The following CDH13 variants were observed in gnomAD, a reference collection of about 807,000 sequenced individuals.
CDH13 encodes cadherin 13.
CDH13 carries 24 observed loss-of-function variants against 63.8 expected under a neutral mutation model. The observed-to-expected ratio is 0.38, with a 90% CI of 0.27 to 0.53. The LOEUF is 0.53. Ranked by LOEUF, CDH13 falls within the 20% of genes least tolerant of loss-of-function variation. The pLI is 0.85. For synonymous variants in CDH13, 503 were observed against 355.3 expected, an observed-to-expected ratio of 1.42 and a Z score of -4.67; for missense variants, 1,049 against 903.1, an observed-to-expected ratio of 1.16 and a Z score of -2.07.
intron 2 of CDH13, among the ~76,000 whole-genome samples, chr16:82,996,433 C>T (rs1228534568): frequency 6.6e-6 from 1 of 152,146 alleles, no homozygotes; most frequent in South Asian, 2.1e-4. Flanking sequence ...AAAGCCAGCC[C>T]AGGACCCAGC....
chr16:83,042,681 G>C (rs941144286), intron 3 of CDH13, among the ~76,000 whole-genome samples: 3 of 152,214 alleles, frequency 2.0e-5, no homozygotes, highest in Admixed American at 2.0e-4. Flanking sequence ...GCTGGGGACT[G>C]CTGCTCTAAA....
At chr16:83,714,131 G>A (rs1255885616) in intron 10 of CDH13, among the ~76,000 whole-genome samples, 1 of 152,150 alleles carries the variant, frequency 6.6e-6, no homozygotes, top group South Asian at 2.1e-4. Flanking sequence ...CTTACAGGAA[G>A]AAGTGAAAAT....
At chr16:83,030,370 C>A (rs754192527) in intron 2 of CDH13, among the ~76,000 whole-genome samples, 1 of 152,056 alleles carries the variant, frequency 6.6e-6, no homozygotes, top group East Asian at 1.9e-4. Flanking sequence ...TTAAAAAGTA[C>A]CCTGTGGGCC....
At chr16:83,328,058 A>C (rs1392515337) in intron 5 of CDH13, among the ~76,000 whole-genome samples, 1 of 151,510 alleles carries the variant, frequency 6.6e-6, no homozygotes, top group Non-Finnish European at 1.5e-5. Flanking sequence ...GCGTGGACCC[A>C]GGAGGCGGAG....
chr16:83,354,631 G>C (rs897182949), intron 6 of CDH13, among the ~76,000 whole-genome samples: 2 of 152,178 alleles, frequency 1.3e-5, no homozygotes, highest in Non-Finnish European at 2.9e-5. Context: ...TTGAAGCTGA[G>C]CCCAGTGAAA....
chr16:83,626,536 T>C (rs1452645385), intron 8 of CDH13, among the ~76,000 whole-genome samples: 1 of 152,180 alleles, frequency 6.6e-6, no homozygotes, highest in Non-Finnish European at 1.5e-5. Context: ...ATGTGTGGTT[T>C]CCAAACCTGG....
intron 5 of CDH13, among the ~76,000 whole-genome samples, chr16:83,245,519 A>T (rs1420400963): frequency 6.6e-6 from 1 of 152,250 alleles, no homozygotes; most frequent in Non-Finnish European, 1.5e-5. Flanking sequence ...CGAGAACTCC[A>T]TCTAGGCTTC....
chr16:83,385,803 C>T (rs943619213), intron 6 of CDH13, among the ~76,000 whole-genome samples: 8 of 152,110 alleles, frequency 5.3e-5, no homozygotes, highest in South Asian at 2.1e-4. Flanking sequence ...TAAAGATTCC[C>T]GGCATGTCCC....
At chr16:83,464,034 G>A (rs1336947729) in intron 6 of CDH13, among the ~76,000 whole-genome samples, 4 of 152,112 alleles carry the variant, frequency 2.6e-5, no homozygotes, top group South Asian at 2.1e-4. Flanking sequence ...AGCCAGATTC[G>A]GAAGCTCCTT....
intron 2 of CDH13, among the ~76,000 whole-genome samples, chr16:82,915,258 G>A (rs575985959): frequency 3.9e-5 from 6 of 152,238 alleles, no homozygotes; most frequent in Middle Eastern, 3.4e-3. Flanking sequence ...ATTTAATATC[G>A]CAAGAGTCTA....
chr16:83,179,055 C>T (rs142516805), intron 4 of CDH13, among the ~76,000 whole-genome samples: 53 of 152,226 alleles, frequency 3.5e-4, no homozygotes, highest in East Asian at 2.9e-3. Context: ...TCAACAAATG[C>T]GCCACCCTAT....
chr16:82,773,455 A>C (rs2035352722), intron 1 of CDH13: 2 of 152,250 alleles, frequency 1.3e-5, no homozygotes, highest in Admixed American at 6.5e-5. Context: ...GCAGGAGGAA[A>C]TAATAGGTGG....
At chr16:82,728,247 C>T (rs1290860490) in intron 1 of CDH13, among the ~76,000 whole-genome samples, 2 of 152,124 alleles carry the variant, frequency 1.3e-5, no homozygotes, top group Non-Finnish European at 2.9e-5. Context: ...CCTTCAATGG[C>T]ACCCCATTTC....
chr16:83,300,871 C>T (rs570085779), intron 5 of CDH13, among the ~76,000 whole-genome samples: 80 of 152,126 alleles, frequency 5.3e-4, no homozygotes, highest in African/African-American at 1.8e-3. Flanking sequence ...AGCTACATAG[C>T]GCTAAGGTAG....
At chr16:82,728,020 C>G (rs2033193924) in intron 1 of CDH13, among the ~76,000 whole-genome samples, 2 of 152,134 alleles carry the variant, frequency 1.3e-5, no homozygotes, top group South Asian at 2.1e-4. Flanking sequence ...TACTCAAACC[C>G]TTGGGAAAGC....
rs182246513 is a variant in CDH13, at chr16:83,107,950, C to T, written c.367-17435C>T. The stretch of plus-strand genomic sequence containing the variant: ...TTCCCTGCCTCAGCCTCCCGATTAG[C>T]AGGAATTACAGGTGCCTGCCACCAC... On this transcript the variant is annotated intron_variant, in intron 3 of 13. Transcript: ENST00000567109. Among the ~76,000 whole-genome samples, 13 of 151,998 alleles carry T rather than the reference C, an allele frequency of 8.6e-5. No homozygotes were observed. In the South Asian group the frequency reaches 1.2e-3, roughly 15 times the overall value.
chr16:83,273,558 A>C (rs976698365), intron 5 of CDH13, among the ~76,000 whole-genome samples: 2 of 152,206 alleles, frequency 1.3e-5, no homozygotes, highest in African/African-American at 4.8e-5. Context: ...GAACGAGATC[A>C]TGTCCTTCAT....
chr16:83,436,475 A>T (rs74873146), intron 6 of CDH13, among the ~76,000 whole-genome samples: 6 of 97,204 alleles, frequency 6.2e-5, no homozygotes, highest in South Asian at 3.4e-4. Context: ...GAATCTAATT[A>T]AAAAAAAAAA....
At chr16:82,984,358 A>T (rs77581978) in intron 2 of CDH13, among the ~76,000 whole-genome samples, 2,872 of 152,272 alleles carry the variant, frequency 0.019, 37 homozygotes, top group South Asian at 0.031. Context: ...GCTTGTTTCA[A>T]TGTGTTTAAG....
Sources: gnomAD v4.1 joint callset for allele counts (sites outside exome capture counted in the v4.1 genomes callset) on GRCh38, gnomAD v4.1.1 for gene constraint, MANE v1.5 for transcripts, NCBI Gene and HGNC (gene_info 2026-07-23, HGNC 2026-07-21) for gene names.